Variants in KNL1 observed in about 807,000 individuals in gnomAD.
The protein encoded by KNL1 is kinetochore scaffold 1.
A neutral mutation model predicts 201.3 loss-of-function variants in KNL1; 66 were observed. That is an observed-to-expected ratio of 0.33 (90% CI 0.27 to 0.40). The LOEUF (loss-of-function observed/expected upper bound fraction) is 0.40, where lower values mean the gene tolerates loss of function less well. Ranked by LOEUF, KNL1 falls within the 10% of genes least tolerant of loss-of-function variation. KNL1 has a pLI of 1.00. For synonymous variants in KNL1, 895 were observed against 899.2 expected (o/e 1.00, Z 0.08); for missense variants, 2,815 against 2,690.5 (o/e 1.05, Z -1.02).
intron 9 of KNL1, among the ~76,000 whole-genome samples, chr15:40,620,383 T>A (rs1450131769): frequency 6.6e-6 from 1 of 152,168 alleles, no homozygotes; most frequent in Non-Finnish European, 1.5e-5. Context: ...TTTTCTTTTT[T>A]GTATTTTTTA....
chr15:40,622,272 C>A lies in KNL1; in HGVS notation c.2008C>A (p.His670Asn). 1.2e-6 allele frequency: 2 copies of A among 1,613,970 alleles called. No homozygotes were observed. The highest frequency in any genetic ancestry group is 8.5e-7 in the Non-Finnish European group (1 of 1,179,922). Residue 670 changes from histidine (H) to asparagine (N), a missense_variant, in exon 10 of 26, where the codon CAT becomes AAT. Coordinates refer to ENST00000399668, the MANE Select transcript of KNL1 (RefSeq NM_144508.5). ...ADCNQEIATS[H>N]NIVYCGGVLD... ...TTGTAATCAGGAGATAGCAACAAGC[C>A]ATAATATAGTCTACTGTGGTGGAGT... is the stretch of plus-strand genomic sequence containing the variant.
intron 25 of KNL1, among the ~76,000 whole-genome samples, chr15:40,660,135 C>T (rs1448210661): frequency 1.3e-5 from 2 of 152,056 alleles, no homozygotes; most frequent in South Asian, 4.2e-4. Flanking sequence ...TGGTCTTGAT[C>T]TCTTGACCTC....
rs183981398 is a variant in KNL1 at position 40,621,303 on chromosome 15, A to G, written c.1039A>G (p.Met347Val). The G allele has an allele frequency of 9.9e-6, 16 of 1,614,042 alleles. No individual in the cohort carries two copies. In the Admixed American group the frequency reaches 1.5e-4, roughly 15 times the overall value. ...AATAGAAAATCAAACTCAGAATGCC[A>G]TGGATGTAACAACAGGTTATGGAAC... ...SEIENQTQNA[M>V]DVTTGYGTKA... is the part of the protein sequence containing the mutation. The change falls in exon 10 of 26, where the codon ATG becomes GTG. Residue 347 changes from methionine to valine, a missense_variant. Coordinates refer to ENST00000399668, the MANE Select transcript of KNL1 (RefSeq NM_144508.5).
At chr15:40,653,701 G>A (rs372386910) in intron 21 of KNL1, among the ~76,000 whole-genome samples, 2 of 152,184 alleles carry the variant, frequency 1.3e-5, no homozygotes, top group East Asian at 3.9e-4. Context: ...CCTATGAAGC[G>A]TTGCCTGAAT....
At chr15:40,656,751 TG>T (rs1166731218) in intron 22 of KNL1, among the ~76,000 whole-genome samples, 17 of 152,050 alleles carry the variant, frequency 1.1e-4, no homozygotes, top group African/African-American at 4.1e-4. Context: ...CCGGGTATGG[TG>T]GCAGACGCCT....
chr15:40,660,145 C>T (rs1893866633), intron 25 of KNL1, among the ~76,000 whole-genome samples: 1 of 151,826 alleles, frequency 6.6e-6, no homozygotes, highest in Admixed American at 6.6e-5. Context: ...CTCTTGACCT[C>T]GTGATCTGCC....
At chr15:40,602,183 C>T (rs1386122707) in intron 1 of KNL1, among the ~76,000 whole-genome samples, 10 of 151,554 alleles carry the variant, frequency 6.6e-5, no homozygotes, top group Admixed American at 5.9e-4. Context: ...CCCGCCACCG[C>T]GCCCAGCTAA....
intron 13 of KNL1, among the ~76,000 whole-genome samples, chr15:40,631,070 A>G (rs1892899633): frequency 6.6e-6 from 1 of 152,176 alleles, no homozygotes; most frequent in South Asian, 2.1e-4. Context: ...TTAAGCCAAG[A>G]TTGCACCACT....
intron 13 of KNL1, among the ~76,000 whole-genome samples, chr15:40,631,964 G>T (rs2141735178): frequency 6.7e-6 from 1 of 148,830 alleles, no homozygotes; most frequent in Middle Eastern, 3.5e-3. Context: ...AGCTATGATT[G>T]TACCACTGCC....
chr15:40,650,850 A>G (rs968553493), intron 19 of KNL1, among the ~76,000 whole-genome samples: 4 of 152,186 alleles, frequency 2.6e-5, no homozygotes, highest in Admixed American at 2.6e-4. Flanking sequence ...ATGTAAATAT[A>G]AACAAGTATA....
At chr15:40,660,895 G>A (rs1398210072) in intron 25 of KNL1, among the ~76,000 whole-genome samples, 1 of 152,068 alleles carries the variant, frequency 6.6e-6, no homozygotes, top group Non-Finnish European at 1.5e-5. Flanking sequence ...CCTGGGAGGT[G>A]GAGATTGTGG....
chr15:40,608,655 G>A (rs1892053989), intron 4 of KNL1, among the ~76,000 whole-genome samples, 192 bp from the exon 5 acceptor site: 1 of 150,126 alleles, frequency 6.7e-6, no homozygotes, highest in South Asian at 2.1e-4. Flanking sequence ...TGAGGCAGGA[G>A]AATCGCTTGA....
intron 19 of KNL1, among the ~76,000 whole-genome samples, 184 bp downstream of exon 19, chr15:40,650,767 T>C (rs1199642179): frequency 2.0e-5 from 3 of 152,202 alleles, no homozygotes; most frequent in Non-Finnish European, 4.4e-5. Flanking sequence ...GAAGCACTTA[T>C]TGTTTACAGG....
At chr15:40,657,318 C>T (rs1421639170) in intron 23 of KNL1, 37 bp from the exon 24 acceptor site, 1 of 1,321,774 alleles carries the variant, frequency 7.6e-7, no homozygotes, top group South Asian at 1.2e-5. Flanking sequence ...GAAATGTTTT[C>T]ATAATTTCAC....
chr15:40,652,515 C>T (rs1179392237), intron 21 of KNL1, among the ~76,000 whole-genome samples: 4 of 146,136 alleles, frequency 2.7e-5, no homozygotes, highest in African/African-American at 1.0e-4. Flanking sequence ...CACGCCTGTA[C>T]TCCCAACACT....
At chr15:40,639,891 A>G (rs1893172117) in intron 13 of KNL1, among the ~76,000 whole-genome samples, 2 of 151,928 alleles carry the variant, frequency 1.3e-5, no homozygotes, top group South Asian at 4.1e-4. Flanking sequence ...CCGGGGCAAC[A>G]TAGCAAGACC....
At position 40,624,664 on chromosome 15, in the gene KNL1, T is replaced by C. The variant is rs1892678226; in HGVS notation, c.4400T>C (p.Leu1467Pro). 1.2e-6 allele frequency: 2 copies of C among 1,612,962 alleles called. No homozygotes were observed. Among genetic ancestry groups the C allele is most frequent in the South Asian group, 1.1e-5 (1 of 90,960 alleles). The part of the protein sequence containing the change: ...QSSINKEEVI[L>P]SKAGNKSLNI... ...AGTATCAATAAAGAAGAAGTAATAC[T>C]GTCTAAAGCTGGAAATAAGAGTTTA... The change falls in exon 10 of 26, where the codon CTG (leucine) becomes CCG (proline). Residue 1467 changes from leucine (L) to proline (P), a missense_variant. By Grantham distance (98) the Leu-to-Pro change is moderately conservative. Coordinates refer to ENST00000399668, the MANE Select transcript of KNL1 (RefSeq NM_144508.5).
chr15:40,648,864 G>T (rs8037804), intron 17 of KNL1, among the ~76,000 whole-genome samples: 1 of 143,996 alleles, frequency 6.9e-6, no homozygotes, highest in Non-Finnish European at 1.5e-5. Flanking sequence ...GTATTTCACT[G>T]TCGTTACCCA....
At position 40,664,130 on chromosome 15, in the gene KNL1, C is replaced by T. The variant is rs760507664; in HGVS notation, c.*1942C>T. On this transcript the variant is annotated 3_prime_UTR_variant, in exon 26 of 26. Coordinates refer to ENST00000399668, the MANE Select transcript of KNL1 (RefSeq NM_144508.5). ...GATTTTGTTTTACGCATTTTAGTAA[C>T]CTGCAACAACCAACTCTAAAAAAGA... 3 of 183,584 alleles carry T rather than the reference C, an allele frequency of 1.6e-5. No homozygotes were observed. The highest frequency in any genetic ancestry group is 8.9e-5 in the East Asian group (1 of 11,260). 11.4% of individuals were successfully genotyped at this position (183,584 alleles called of 1,614,324 possible).
Sources: allele counts gnomAD v4.1 joint callset (sites outside exome capture counted in the v4.1 genomes callset), GRCh38; gene constraint gnomAD v4.1.1; transcripts MANE v1.5; gene names NCBI Gene and HGNC (gene_info 2026-07-23, HGNC 2026-07-21).